The following SP6 variants were observed in gnomAD, a reference collection of about 807,000 sequenced individuals.
The protein encoded by SP6 is Sp6 transcription factor, also known as transcription factor Sp6.
In SP6, 10 loss-of-function variants were observed where a neutral mutation model predicts 23.4. The ratio of observed to expected loss-of-function variants is 0.43; its 90% CI spans 0.26 to 0.72. SP6 has a LOEUF of 0.72. Ranked by LOEUF, SP6 falls within the 30% of genes least tolerant of loss-of-function variation. The pLI, the probability that SP6 is intolerant of heterozygous loss-of-function variation, is 0.23. For missense variants in SP6, 482 were observed against 523.8 expected, an observed-to-expected ratio of 0.92 and a Z score of 0.78; for synonymous variants, 238 against 238.7, an observed-to-expected ratio of 1.00 and a Z score of 0.03.
At chr17:47,871,828 C>T in the SP6 span, among the ~76,000 whole-genome samples, 3 of 152,102 alleles carry the variant, frequency 2.0e-5, no homozygotes, top group East Asian at 3.9e-4. Flanking sequence ...ACCATGTTGC[C>T]CAGGCTGGTT....
chr17:47,862,213 G>A, the SP6 span, among the ~76,000 whole-genome samples: 2 of 151,956 alleles, frequency 1.3e-5, no homozygotes, highest in Admixed American at 6.6e-5. Context: ...GTCTGGTGGC[G>A]GGTGCCTATA....
At chr17:47,852,680 G>A (rs1342045587), upstream of SP6, among the ~76,000 whole-genome samples, 3 of 152,066 alleles carry the variant, frequency 2.0e-5, no homozygotes, top group African/African-American at 4.8e-5. Flanking sequence ...GTGCATAAGC[G>A]GGGTGAAAAT....
At chr17:47,872,642 G>A in the SP6 span, among the ~76,000 whole-genome samples, 1 of 152,212 alleles carries the variant, frequency 6.6e-6, no homozygotes, top group Non-Finnish European at 1.5e-5. Context: ...AGTGGGAGGG[G>A]ACAGCCCTTT....
At chr17:47,851,533 G>A (rs1367594299), upstream of SP6, among the ~76,000 whole-genome samples, 7 of 152,180 alleles carry the variant, frequency 4.6e-5, no homozygotes, top group Non-Finnish European at 1.0e-4. Flanking sequence ...CCACCCTTAG[G>A]CAGCAACCCT....
Position 47,847,904 on chromosome 17 carries a change from C to T in SP6, c.526G>A (p.Ala176Thr), listed in dbSNP as rs866401413. ...CCTAGGAGATGCTGCCCTCCGGCAG[C>T]TGGAAGGAGGTGGTGCGCATGCGGG... Reference protein sequence around the residue: ...PHPHAHHLLPAAGGQHLLGPP... With the variant: ...PHPHAHHLLPTAGGQHLLGPP... The change falls in exon 2 of 2, where the codon GCT becomes ACT. Residue 176 changes from alanine to threonine, a missense_variant. Coordinates refer to ENST00000536300, the MANE Select transcript of SP6 (RefSeq NM_001258248.2). 6.4e-7 allele frequency: 1 copy of T among 1,563,684 alleles called. No individual in the cohort carries two copies. The highest frequency in any genetic ancestry group is 1.2e-5 in the South Asian group (1 of 85,742).
chr17:47,870,770 G>A, the SP6 span, among the ~76,000 whole-genome samples: 46 of 152,186 alleles, frequency 3.0e-4, no homozygotes, highest in Non-Finnish European at 5.3e-4. Context: ...CCCCAGCCAC[G>A]CCAGAGAATG....
the SP6 span, among the ~76,000 whole-genome samples, chr17:47,875,368 G>A: frequency 6.6e-6 from 1 of 152,138 alleles, no homozygotes; most frequent in Non-Finnish European, 1.5e-5. Context: ...CAGTGCCAGG[G>A]CTGTTAACAT....
At chr17:47,866,437 G>T in the SP6 span, among the ~76,000 whole-genome samples, 2 of 152,318 alleles carry the variant, frequency 1.3e-5, no homozygotes, top group Admixed American at 1.3e-4. Flanking sequence ...CCATGGTGAT[G>T]CCTGGGAAGG....
At chr17:47,861,605 C>T in the SP6 span, among the ~76,000 whole-genome samples, 1 of 152,108 alleles carries the variant, frequency 6.6e-6, no homozygotes, top group Non-Finnish European at 1.5e-5. Flanking sequence ...TGGCGGTGCG[C>T]GCCTGTAGTC....
intron 1 of SP6, among the ~76,000 whole-genome samples, chr17:47,849,521 C>T (rs1409299214): frequency 6.6e-6 from 1 of 152,176 alleles, no homozygotes; most frequent in African/African-American, 2.4e-5. Context: ...AGAAGCTCCC[C>T]ACCACCACCA....
At chr17:47,868,341 C>T in the SP6 span, among the ~76,000 whole-genome samples, 8 of 152,180 alleles carry the variant, frequency 5.3e-5, no homozygotes, top group Non-Finnish European at 1.0e-4. Context: ...TACAAGGTGG[C>T]GGGAGACTCA....
At position 47,848,402 on chromosome 17, in the gene SP6, C is replaced by G; in HGVS notation, c.28G>C (p.Gly10Arg). The change falls in exon 2 of 2, where the codon GGC becomes CGC. Residue 10 changes from glycine (G) to arginine (R), a missense_variant. Gly to Arg is a moderately radical substitution (Grantham distance 125). Around this residue, in one of 3 missense-constraint regions of SP6, gnomAD observed 330 missense variants for 332.3 expected, o/e 0.99. Transcript: ENST00000536300. The surrounding 1 kb of genome is among the most constrained non-coding windows in gnomAD (Gnocchi z 5.3). MLTAVCGSL[G>R]SQHTEAPHAS... ...TGCGGCGCTTCCGTGTGCTGGCTGCCCAGAGAGCCGCAGACAGCGGTTAGC... is the reference window on the plus strand; with the variant it reads ...TGCGGCGCTTCCGTGTGCTGGCTGCGCAGAGAGCCGCAGACAGCGGTTAGC... 1 of 1,535,372 alleles carries G rather than the reference C, an allele frequency of 6.5e-7. No individual in the cohort carries two copies. Among genetic ancestry groups the G allele is most frequent in the Non-Finnish European group, 8.8e-7 (1 of 1,140,034 alleles).
chr17:47,856,654 G>A (rs541573798), upstream of SP6, among the ~76,000 whole-genome samples: 11 of 152,262 alleles, frequency 7.2e-5, no homozygotes, highest in African/African-American at 2.6e-4. Context: ...GAAGGAGAAC[G>A]GAGATGAAAC....
At chr17:47,862,212 C>T in the SP6 span, among the ~76,000 whole-genome samples, 2 of 150,030 alleles carry the variant, frequency 1.3e-5, no homozygotes, top group African/African-American at 2.5e-5. Context: ...GGTCTGGTGG[C>T]GGGTGCCTAT....
the SP6 span, among the ~76,000 whole-genome samples, chr17:47,864,243 T>G: frequency 6.6e-6 from 1 of 151,428 alleles, no homozygotes; most frequent in Non-Finnish European, 1.5e-5. Flanking sequence ...CTTTTTTCCT[T>G]TTTTTGTTTT....
rs73985413 is a variant in SP6 at position 47,848,633 on chromosome 17, C to A, written c.-57-147G>T. 18 of 527,684 alleles carry A rather than the reference C, an allele frequency of 3.4e-5. No homozygotes were observed. The African/African-American group carries it at 3.5e-4, about 10-fold the overall frequency. The allele number at this position is 527,684 out of a possible 1,614,324, so 32.7% of individuals were successfully genotyped here. A position where few individuals can be genotyped will look rare whatever the true frequency, so the allele number is the denominator to read the frequency against. ...GATGAGTTTAGAGAATTCGGGAGTG[C>A]GAGGAAGGGTCCAAGATGTGAGGTT... On this transcript the variant is annotated intron_variant, in intron 1 of 1. Transcript: ENST00000536300. The surrounding 1 kb of genome is among the most constrained non-coding windows in gnomAD (Gnocchi z 5.3).
upstream of SP6, among the ~76,000 whole-genome samples, chr17:47,855,418 T>A (rs2033991323): frequency 6.6e-6 from 1 of 152,144 alleles, no homozygotes; most frequent in South Asian, 2.1e-4. Flanking sequence ...GAAATAAAGT[T>A]CCCAGCTATG....
At chr17:47,859,061 T>C (rs55919794), upstream of SP6, among the ~76,000 whole-genome samples, 51,612 of 151,984 alleles carry the variant, frequency 0.34, 9,565 homozygotes, top group Non-Finnish European at 0.41. Context: ...AGGCGTGAGA[T>C]ATGATGCCTG....
upstream of SP6, among the ~76,000 whole-genome samples, chr17:47,858,084 C>A (rs71377321): frequency 6.6e-6 from 1 of 152,118 alleles, no homozygotes; most frequent in Non-Finnish European, 1.5e-5. Flanking sequence ...GCCCTCGCCT[C>A]TCGGTCTCCC....
Sources: allele counts gnomAD v4.1 joint callset (sites outside exome capture counted in the v4.1 genomes callset), GRCh38; gene constraint gnomAD v4.1.1; regional missense constraint gnomAD v4.1.1; non-coding constraint Gnocchi (gnomAD v3.1); transcripts MANE v1.5; gene names NCBI Gene and HGNC (gene_info 2026-07-23, HGNC 2026-07-21).